TET3: variants seen among roughly 807,000 people sequenced by gnomAD.
The protein encoded by TET3 is methylcytosine dioxygenase TET3.
Under a neutral mutation model 141.4 loss-of-function variants are expected in TET3, and 19 were observed. The ratio of observed to expected loss-of-function variants is 0.13; its 90% CI spans 0.09 to 0.20. The LOEUF is 0.20. Ranked by LOEUF, TET3 falls within the 10% of genes least tolerant of loss-of-function variation. The pLI is 1.00. For missense variants in TET3, 1,874 were observed against 2,356.9 expected, an observed-to-expected ratio of 0.80 and a Z score of 4.24; for synonymous variants, 1,043 against 980.9, an observed-to-expected ratio of 1.06 and a Z score of -1.18.
chr2:74,033,357 A>C (rs1308365520), intron 3 of TET3, among the ~76,000 whole-genome samples: 1 of 152,208 alleles, frequency 6.6e-6, no homozygotes, highest in Non-Finnish European at 1.5e-5. Flanking sequence ...AAATTGGGCA[A>C]TATTTTGAAT....
At chr2:74,015,503 T>C (rs1256186037) in intron 3 of TET3, among the ~76,000 whole-genome samples, 1 of 152,220 alleles carries the variant, frequency 6.6e-6, no homozygotes, top group African/African-American at 2.4e-5. Context: ...CTACTTATTT[T>C]TGAGTAGTCT....
the TET3 span, chr2:74,121,096 A>T: frequency 1.3e-5 from 2 of 152,246 alleles, no homozygotes; most frequent in Non-Finnish European, 2.9e-5. Context: ...GCACATCAGT[A>T]TTTTGAGAAA....
chr2:74,011,825 G>A (rs931808043), intron 3 of TET3, among the ~76,000 whole-genome samples: 3 of 151,706 alleles, frequency 2.0e-5, no homozygotes, highest in Non-Finnish European at 4.4e-5. Context: ...ATCACTTGAG[G>A]TCAGGAGTTT....
At chr2:74,055,559 G>A (rs1426632257) in intron 4 of TET3, among the ~76,000 whole-genome samples, 1 of 152,166 alleles carries the variant, frequency 6.6e-6, no homozygotes, top group Admixed American at 6.5e-5. Context: ...CATTAAAGTG[G>A]AATCTAATTA....
intron 4 of TET3, among the ~76,000 whole-genome samples, chr2:74,049,755 C>G (rs958532434): frequency 2.0e-5 from 3 of 152,102 alleles, no homozygotes; most frequent in Non-Finnish European, 4.4e-5. Flanking sequence ...TCCAGCTACC[C>G]CTCCCCGATC....
the TET3 span, chr2:74,130,826 A>G: frequency 6.6e-6 from 1 of 152,236 alleles, no homozygotes; most frequent in Non-Finnish European, 1.5e-5. Context: ...TTCTGCGCGC[A>G]GGCCACGTCG....
intron 5 of TET3, among the ~76,000 whole-genome samples, chr2:74,075,635 C>T (rs1296586446): frequency 6.6e-6 from 1 of 152,088 alleles, no homozygotes; most frequent in African/African-American, 2.4e-5. Flanking sequence ...GGCAAGGAGC[C>T]AGATACTCTT....
chr2:73,992,224 T>A (rs1573630863), intron 2 of TET3, among the ~76,000 whole-genome samples: 1 of 152,214 alleles, frequency 6.6e-6, no homozygotes, highest in African/African-American at 2.4e-5. Flanking sequence ...GCCAGCCAGC[T>A]ACCCTACCTG....
the TET3 span, among the ~76,000 whole-genome samples, chr2:74,120,391 G>A: frequency 1.3e-5 from 2 of 152,256 alleles, no homozygotes; most frequent in Non-Finnish European, 1.5e-5. Flanking sequence ...GTACCTCTCC[G>A]TCTTTCCCTC....
the TET3 span, among the ~76,000 whole-genome samples, chr2:74,114,312 G>A: frequency 6.6e-6 from 1 of 151,880 alleles, no homozygotes; most frequent in Non-Finnish European, 1.5e-5. Flanking sequence ...GGGGGGGAGG[G>A]CTGGAAGGAG....
In TET3 at chr2:73,986,440, G is replaced by C; in HGVS notation, c.37G>C (p.Asp13His). The C allele has an allele frequency of 8.1e-7, 1 of 1,232,248 alleles. No homozygotes were observed. The highest frequency in any genetic ancestry group is 1.0e-6 in the Non-Finnish European group (1 of 988,094). 76.3% of individuals were successfully genotyped at this position (1,232,248 alleles called of 1,614,324 possible). Reference protein sequence around the residue: ...QFQVPLAVQPDLPGLYDFPQR... With the variant: ...QFQVPLAVQPHLPGLYDFPQR... ...TCAGGTGCCCCTGGCCGTCCAGCCG[G>C]ACCTGCCAGGCCTTTATGACTTCCC... is the stretch of plus-strand genomic sequence containing the variant. The change falls in exon 2 of 12, where the codon GAC becomes CAC. Residue 13 changes from aspartate (D) to histidine (H), a missense_variant. Asp to His is a moderately conservative substitution (Grantham distance 81). Transcript: ENST00000409262.
At chr2:74,119,816 A>C in the TET3 span, among the ~76,000 whole-genome samples, 5 of 152,222 alleles carry the variant, frequency 3.3e-5, no homozygotes, top group Admixed American at 6.5e-5. Flanking sequence ...TGTTTTGAAA[A>C]AGCATCTTTA....
In TET3 at chr2:74,046,788, A is replaced by G; in HGVS notation, c.871A>G (p.Lys291Glu). The change falls in exon 4 of 12, where the codon AAG (lysine) becomes GAG (glutamate). Residue 291 changes from lysine (K) to glutamate (E), a missense_variant. Lys to Glu is a moderately conservative substitution (Grantham distance 56). Around this residue, in one of 10 missense-constraint regions of TET3, gnomAD observed 366 missense variants for 487.0 expected, o/e 0.75. Transcript: ENST00000409262. This position sits in a 1 kb window ranked among gnomAD's most constrained non-coding sequence, Gnocchi z 4.3. ...CCTCGAGTGGCTGGAGGGGAAGATCAAGTCTGTGGTCATGGAAGGAGGGGA... is the reference window on the plus strand; with the variant it reads ...CCTCGAGTGGCTGGAGGGGAAGATCGAGTCTGTGGTCATGGAAGGAGGGGA... Reference protein sequence around the residue: ...DYLEWLEGKIKSVVMEGGEER... With the variant: ...DYLEWLEGKIESVVMEGGEER... 1 of 1,613,368 alleles carries G rather than the reference A, an allele frequency of 6.2e-7. No individual in the cohort carries two copies. The highest frequency in any genetic ancestry group is 8.5e-7 in the Non-Finnish European group (1 of 1,179,830).
At chr2:74,065,178 A>C (rs557055104) in intron 4 of TET3, among the ~76,000 whole-genome samples, 35 of 152,236 alleles carry the variant, frequency 2.3e-4, no homozygotes, top group African/African-American at 8.4e-4. Context: ...TTATCTTTTA[A>C]TGGTAACTCA....
At chr2:74,059,072 AC>A (rs1275493972) in intron 4 of TET3, among the ~76,000 whole-genome samples, 1 of 152,104 alleles carries the variant, frequency 6.6e-6, no homozygotes, top group African/African-American at 2.4e-5. Flanking sequence ...AAGTTTGCTG[AC>A]CCCTGTCCTA....
chr2:74,021,190 T>TCCCCATGAGGCC (rs1295280966), intron 3 of TET3, among the ~76,000 whole-genome samples: 1 of 152,138 alleles, frequency 6.6e-6, no homozygotes, highest in African/African-American at 2.4e-5. Context: ...GCCCTGAGGC[T>TCCCCATGAGGCC]CCCCATGAGG....
chr2:73,994,609 A>AT (rs200426664), intron 2 of TET3, among the ~76,000 whole-genome samples: 20 of 117,900 alleles, frequency 1.7e-4, no homozygotes, highest in Admixed American at 1.0e-3. Context: ...TATCAGGTCT[A>AT]TTTTTTTTCT....
the TET3 span, chr2:74,135,440 A>G: frequency 8.2e-7 from 1 of 1,212,316 alleles, no homozygotes; most frequent in Non-Finnish European, 1.2e-6. Flanking sequence ...CCTTTAATTA[A>G]CATCTAAATA....
At chr2:74,119,214 A>G in the TET3 span, among the ~76,000 whole-genome samples, 1 of 152,054 alleles carries the variant, frequency 6.6e-6, no homozygotes, top group Admixed American at 6.6e-5. Context: ...TTAGCTGGGT[A>G]TGGTGTCACG....
Sources: gnomAD v4.1 joint callset for allele counts (sites outside exome capture counted in the v4.1 genomes callset) on GRCh38, gnomAD v4.1.1 for gene constraint, gnomAD v4.1.1 regional missense constraint, Gnocchi (gnomAD v3.1) non-coding constraint, MANE v1.5 for transcripts, NCBI Gene and HGNC (gene_info 2026-07-23, HGNC 2026-07-21) for gene names.